The following RGS7 variants were observed in gnomAD, a reference collection of about 807,000 sequenced individuals.
RGS7 encodes regulator of G protein signaling 7.
In RGS7, 27 loss-of-function variants were observed where a neutral mutation model predicts 81.1. The ratio of observed to expected loss-of-function variants is 0.33; its 90% CI spans 0.25 to 0.46. RGS7 has a LOEUF of 0.46. Ranked by LOEUF, RGS7 falls within the 20% of genes least tolerant of loss-of-function variation. The probability of loss-of-function intolerance (pLI) is 1.00; values close to 1 mark genes in which losing one functional copy is unlikely to be tolerated. For synonymous variants in RGS7, 208 were observed against 207.7 expected (o/e 1.00, Z -0.01); for missense variants, 396 against 607.4 (o/e 0.65, Z 3.66).
chr1:241,264,099 T>C (rs986122667), intron 2 of RGS7, among the ~76,000 whole-genome samples: 1 of 152,258 alleles, frequency 6.6e-6, no homozygotes, highest in Non-Finnish European at 1.5e-5. Context: ...ATCCAGTATA[T>C]AGCACTATTC....
rs186647641 is a variant in RGS7 at position 241,347,844 on chromosome 1, T to G, written c.78+7855A>C. Among the ~76,000 whole-genome samples the G allele has an allele frequency of 4.6e-5, 7 of 152,256 alleles. No individual in the cohort carries two copies. In the East Asian group the frequency reaches 1.4e-3, roughly 29 times the overall value. On this transcript the variant is annotated intron_variant, in intron 2 of 18. Coordinates refer to ENST00000440928, the MANE Select transcript of RGS7 (RefSeq NM_001364886.1). ...GTGTCATTTACCATTATATCTACCA[T>G]TCCCTTACGAGGCCATGGTCTATGG...
At chr1:241,290,305 G>A (rs112132024) in intron 2 of RGS7, among the ~76,000 whole-genome samples, 48 of 152,266 alleles carry the variant, frequency 3.2e-4, no homozygotes, top group South Asian at 6.2e-4. Flanking sequence ...TCCAAAGAAC[G>A]TGTGCATATT....
intron 4 of RGS7, among the ~76,000 whole-genome samples, chr1:240,962,601 C>T (rs886746122): frequency 5.3e-5 from 8 of 152,128 alleles, no homozygotes; most frequent in African/African-American, 1.9e-4. Context: ...CTTAACTACA[C>T]AGTCTAATAA....
chr1:240,969,665 G>A (rs1682886048), intron 4 of RGS7, among the ~76,000 whole-genome samples: 1 of 152,138 alleles, frequency 6.6e-6, no homozygotes, highest in African/African-American at 2.4e-5. Context: ...CAAAACTCTG[G>A]GACTGGCATT....
At chr1:240,977,272 T>C (rs1684271363) in intron 4 of RGS7, among the ~76,000 whole-genome samples, 1 of 152,158 alleles carries the variant, frequency 6.6e-6, no homozygotes, top group African/African-American at 2.4e-5. Context: ...CACATTAATT[T>C]TCCTCCCTAT....
intron 3 of RGS7, among the ~76,000 whole-genome samples, chr1:241,051,779 G>T (rs982585380): frequency 6.6e-6 from 1 of 152,180 alleles, no homozygotes; most frequent in African/African-American, 2.4e-5. Flanking sequence ...GTGTTTCTCT[G>T]TCTGAGATAC....
chr1:240,988,334 A>C (rs1685974382), intron 3 of RGS7, among the ~76,000 whole-genome samples: 1 of 151,866 alleles, frequency 6.6e-6, no homozygotes, highest in Non-Finnish European at 1.5e-5. Context: ...AACACGGCAG[A>C]ATTTCTTTAA....
intron 10 of RGS7, among the ~76,000 whole-genome samples, chr1:240,819,049 A>G (rs964277552): frequency 1.3e-5 from 2 of 152,196 alleles, no homozygotes; most frequent in African/African-American, 4.8e-5. Context: ...ATGTGCAATT[A>G]TTATTTGTCA....
At chr1:240,932,738 G>T (rs1675715646) in intron 5 of RGS7, among the ~76,000 whole-genome samples, 1 of 151,064 alleles carries the variant, frequency 6.6e-6, no homozygotes, top group Non-Finnish European at 1.5e-5. Context: ...TCGATCTCCT[G>T]ACCTCGTGAT....
At chr1:240,977,327 A>G (rs1270285905) in intron 4 of RGS7, among the ~76,000 whole-genome samples, 1 of 152,150 alleles carries the variant, frequency 6.6e-6, no homozygotes, top group Non-Finnish European at 1.5e-5. Context: ...CCACAGTCCA[A>G]TTGTAAGACT....
intron 2 of RGS7, among the ~76,000 whole-genome samples, chr1:241,233,223 T>C (rs1388063249): frequency 6.6e-6 from 1 of 152,234 alleles, no homozygotes; most frequent in East Asian, 1.9e-4. Flanking sequence ...TATCATTTCT[T>C]TATGCTAGGG....
chr1:241,273,086 TTA>T (rs1487961290), intron 2 of RGS7, among the ~76,000 whole-genome samples: 1 of 152,152 alleles, frequency 6.6e-6, no homozygotes, highest in African/African-American at 2.4e-5. Flanking sequence ...TCTCTTGACT[TTA>T]TGTTTCTTCA....
chr1:240,793,711 G>A (rs1238618546), intron 18 of RGS7, among the ~76,000 whole-genome samples: 3 of 148,718 alleles, frequency 2.0e-5, no homozygotes, highest in African/African-American at 5.0e-5. Flanking sequence ...CCCGGTTCAC[G>A]CCATTCTCCT....
Position 241,098,779 on chromosome 1 carries a change from T to G in RGS7, c.79-17A>C. The G allele has an allele frequency of 1.3e-6, 2 of 1,563,290 alleles. No individual in the cohort carries two copies. Among genetic ancestry groups the G allele is most frequent in the Non-Finnish European group, 1.8e-6 (2 of 1,136,140 alleles). On this transcript the variant is annotated splice_polypyrimidine_tract_variant and intron_variant, in intron 2 of 18. Coordinates refer to ENST00000440928, the MANE Select transcript of RGS7 (RefSeq NM_001364886.1). ...GTCTTCCATCTAAACAATAATAACATAATTAAAACCTTTATAAAGTTGAAC... is the reference window on the plus strand; with the variant it reads ...GTCTTCCATCTAAACAATAATAACAGAATTAAAACCTTTATAAAGTTGAAC...
chr1:241,135,791 A>T (rs1440397829), intron 2 of RGS7, among the ~76,000 whole-genome samples: 3 of 150,262 alleles, frequency 2.0e-5, no homozygotes, highest in South Asian at 2.1e-4. Context: ...TTTTTTTATT[A>T]TTTTTTTTTG....
intron 2 of RGS7, among the ~76,000 whole-genome samples, chr1:241,105,489 A>G (rs1218447066): frequency 6.6e-6 from 1 of 152,240 alleles, no homozygotes; most frequent in Non-Finnish European, 1.5e-5. Context: ...AAGAAGGAGC[A>G]TATTACACAG....
chr1:240,965,423 C>T (rs1682127747), intron 4 of RGS7, among the ~76,000 whole-genome samples: 1 of 152,236 alleles, frequency 6.6e-6, no homozygotes, highest in African/African-American at 2.4e-5. Context: ...GCCTCACCTT[C>T]CAGGTACAGA....
At chr1:240,902,413 C>CT (rs893580234) in intron 6 of RGS7, among the ~76,000 whole-genome samples, 5 of 151,970 alleles carry the variant, frequency 3.3e-5, no homozygotes, top group African/African-American at 1.2e-4. Flanking sequence ...TGTTATTTCT[C>CT]TTTTTTTCTG....
chr1:240,882,160 C>G (rs1434068206), intron 6 of RGS7, among the ~76,000 whole-genome samples: 2 of 152,112 alleles, frequency 1.3e-5, no homozygotes, highest in African/African-American at 4.8e-5. Flanking sequence ...AGTGATCCAC[C>G]CGCCTTGGCC....
Sources: allele counts gnomAD v4.1 joint callset (sites outside exome capture counted in the v4.1 genomes callset), GRCh38; gene constraint gnomAD v4.1.1; transcripts MANE v1.5; gene names NCBI Gene and HGNC (gene_info 2026-07-23, HGNC 2026-07-21).